The following TENM4 variants were observed in gnomAD, a reference collection of about 807,000 sequenced individuals.
TENM4 encodes teneurin-4.
TENM4 carries 82 observed loss-of-function variants against 243.3 expected under a neutral mutation model. The observed-to-expected ratio is 0.34, with a 90% CI of 0.28 to 0.40. The LOEUF is 0.40. TENM4 is among the 10% of genes least tolerant of loss of function. The pLI is 1.00. For synonymous variants in TENM4, 1,412 were observed against 1,456.3 expected (o/e 0.97, Z 0.69); for missense variants, 3,138 against 3,673.3 (o/e 0.85, Z 3.77).
In TENM4 at chr11:78,775,855, G is replaced by A. The variant is rs11237618; in HGVS notation, c.2392+2747C>T. 3.7e-3 allele frequency among the ~76,000 whole-genome samples: 562 copies of A among 152,252 alleles called. 6 individuals are homozygous for A. Among genetic ancestry groups the A allele is most frequent in the African/African-American group, 0.013 (535 of 41,530 alleles). On this transcript the variant is annotated intron_variant, in intron 17 of 33. Coordinates refer to ENST00000278550, the MANE Select transcript of TENM4 (RefSeq NM_001098816.3). Reference sequence around the variant, plus strand: ...AAATGATGCCCTTTAAATGACAAGGGACCACTTTATCTTCAATCTCCTGCT... The same window carrying A: ...AAATGATGCCCTTTAAATGACAAGGAACCACTTTATCTTCAATCTCCTGCT...
At chr11:79,051,074 C>T (rs944495017) in intron 6 of TENM4, among the ~76,000 whole-genome samples, 1 of 152,174 alleles carries the variant, frequency 6.6e-6, no homozygotes, top group Non-Finnish European at 1.5e-5. Context: ...GAGAATGAGG[C>T]CGATATCTAC....
In TENM4 at chr11:79,004,131, G is replaced by T. The variant is rs1029478193; in HGVS notation, c.493+60607C>A. ...TATTCATCCAACACCGGAGAACTCAGATTCATAAAGCAAGTTCTTAGAGAT... is the reference window on the plus strand; with the variant it reads ...TATTCATCCAACACCGGAGAACTCATATTCATAAAGCAAGTTCTTAGAGAT... On this transcript the variant is annotated intron_variant, in intron 6 of 33. Coordinates refer to ENST00000278550, the MANE Select transcript of TENM4 (RefSeq NM_001098816.3). Among the ~76,000 whole-genome samples the T allele has an allele frequency of 3.3e-5, 5 of 152,336 alleles. No homozygotes were observed. In the South Asian group the frequency reaches 1.0e-3, roughly 32 times the overall value.
chr11:79,370,123 G>C (rs1054177245), intron 1 of TENM4, among the ~76,000 whole-genome samples: 3 of 152,222 alleles, frequency 2.0e-5, no homozygotes, highest in African/African-American at 7.2e-5. Flanking sequence ...ATGTGTTCAA[G>C]GGATGGCCCC....
intron 4 of TENM4, among the ~76,000 whole-genome samples, chr11:79,094,839 T>G (rs1395993810): frequency 6.6e-6 from 1 of 152,144 alleles, no homozygotes; most frequent in Admixed American, 6.5e-5. Flanking sequence ...TTGCGGAAGA[T>G]TCAAAGGCTG....
chr11:79,038,802 T>A (rs1473402774), intron 6 of TENM4, among the ~76,000 whole-genome samples: 1 of 152,192 alleles, frequency 6.6e-6, no homozygotes, highest in African/African-American at 2.4e-5. Context: ...AGAGTTTAAC[T>A]TGGCAGGTAG....
intron 7 of TENM4, among the ~76,000 whole-genome samples, chr11:78,891,935 G>A (rs1855677572): frequency 6.6e-6 from 1 of 152,210 alleles, no homozygotes; most frequent in African/African-American, 2.4e-5. Flanking sequence ...GGAGAGCTGA[G>A]CATTGCTGAG....
At chr11:79,238,143 G>T (rs1423243511) in intron 2 of TENM4, among the ~76,000 whole-genome samples, 1 of 152,154 alleles carries the variant, frequency 6.6e-6, no homozygotes, top group Non-Finnish European at 1.5e-5. Context: ...CACGGTTTGG[G>T]AGTGCTGTCT....
At chr11:79,306,311 T>C (rs1481626570) in intron 1 of TENM4, among the ~76,000 whole-genome samples, 3 of 152,068 alleles carry the variant, frequency 2.0e-5, no homozygotes, top group Non-Finnish European at 4.4e-5. Flanking sequence ...CTCAGGGATA[T>C]GGGAGACAGG....
At chr11:79,209,099 C>T (rs1863905444) in intron 3 of TENM4, among the ~76,000 whole-genome samples, 1 of 152,224 alleles carries the variant, frequency 6.6e-6, no homozygotes, top group African/African-American at 2.4e-5. Context: ...AGGATAATGA[C>T]ACTGACCTTC....
intron 6 of TENM4, among the ~76,000 whole-genome samples, chr11:78,949,090 G>A (rs1198247763): frequency 6.6e-6 from 1 of 152,120 alleles, no homozygotes; most frequent in African/African-American, 2.4e-5. Flanking sequence ...ACAAAGCCCA[G>A]TCTCTTTAGA....
chr11:79,309,864 C>T (rs1276031365), intron 1 of TENM4, among the ~76,000 whole-genome samples: 1 of 152,216 alleles, frequency 6.6e-6, no homozygotes, highest in Non-Finnish European at 1.5e-5. Flanking sequence ...ATGTGTCATC[C>T]TCTCCCCATC....
chr11:79,429,751 G>C (rs1418054675), intron 1 of TENM4, among the ~76,000 whole-genome samples: 1 of 152,170 alleles, frequency 6.6e-6, no homozygotes, highest in African/African-American at 2.4e-5. Flanking sequence ...AAATGAAGCA[G>C]TGACTTAGTG....
intron 6 of TENM4, among the ~76,000 whole-genome samples, chr11:78,940,600 GC>G (rs1285534554): frequency 1.3e-5 from 2 of 152,148 alleles, no homozygotes; most frequent in Admixed American, 6.5e-5. Context: ...CTTCCTCCCA[GC>G]CCCCCTCCAT....
At chr11:79,109,100 G>C (rs934569062) in intron 4 of TENM4, among the ~76,000 whole-genome samples, 1 of 152,206 alleles carries the variant, frequency 6.6e-6, no homozygotes, top group Non-Finnish European at 1.5e-5. Flanking sequence ...TCTGCCTACA[G>C]AGGGATGTTA....
chr11:79,148,474 C>A (rs1397525596), intron 4 of TENM4, among the ~76,000 whole-genome samples: 2 of 152,046 alleles, frequency 1.3e-5, no homozygotes, highest in Non-Finnish European at 2.9e-5. Context: ...CCTCTAAAAC[C>A]CTTTTATCTC....
chr11:79,428,244 A>G lies in TENM4; in HGVS notation c.-321+12265T>C, dbSNP rs1004608429. The stretch of plus-strand genomic sequence containing the variant: ...TTAAATGTTAAAAGCCCTCTCCAAA[A>G]TACAACACATTTCCCCAGTTTGAGG... On this transcript the variant is annotated intron_variant, in intron 1 of 33. Transcript: ENST00000278550. Among the ~76,000 whole-genome samples the G allele has an allele frequency of 7.9e-5, 12 of 152,324 alleles. 1 individual carries two copies. Among genetic ancestry groups the G allele is most frequent in the Admixed American group, 3.9e-4 (6 of 15,304 alleles).
intron 4 of TENM4, among the ~76,000 whole-genome samples, chr11:79,089,437 T>C (rs992645116): frequency 6.6e-6 from 1 of 152,186 alleles, no homozygotes. Flanking sequence ...ATTTTTAGCA[T>C]AATCTAAAAG....
Position 78,895,982 on chromosome 11 carries a change from C to T in TENM4, c.750-4646G>A, listed in dbSNP as rs191420233. ...GCATGTGGGGAGGCCTTGGACTAGC[C>T]CCTGAACTGCCTGTAGGAGGGGCTC... On this transcript the variant is annotated intron_variant, in intron 7 of 33. Coordinates refer to ENST00000278550, the MANE Select transcript of TENM4 (RefSeq NM_001098816.3). Among the ~76,000 whole-genome samples, 42 of 152,202 alleles carry T rather than the reference C, an allele frequency of 2.8e-4. No homozygotes were observed. In the East Asian group the frequency reaches 7.7e-3, roughly 28 times the overall value.
intron 4 of TENM4, chr11:79,096,928 G>GCGCA (rs1491382120): frequency 0.044 from 5,880 of 133,882 alleles, 149 homozygotes; most frequent in Middle Eastern, 0.065. Flanking sequence ...GCGCGCGCGC[G>GCGCA]CACACACACA....
Sources: allele counts gnomAD v4.1 joint callset (sites outside exome capture counted in the v4.1 genomes callset), GRCh38; gene constraint gnomAD v4.1.1; transcripts MANE v1.5; gene names NCBI Gene and HGNC (gene_info 2026-07-23, HGNC 2026-07-21).